SPATA13: variants seen among roughly 807,000 people sequenced by gnomAD.
SPATA13 encodes spermatogenesis-associated protein 13.
Under a neutral mutation model 104.0 loss-of-function variants are expected in SPATA13, and 50 were observed. That is an observed-to-expected ratio of 0.48 (90% CI 0.38 to 0.61). The LOEUF is 0.61. SPATA13 is among the 20% of genes least tolerant of loss of function. The pLI is 0.00. For missense variants in SPATA13, 1,524 were observed against 1,690.6 expected (o/e 0.90, Z 1.73); for synonymous variants, 606 against 667.5 (o/e 0.91, Z 1.42).
intron 4 of SPATA13, among the ~76,000 whole-genome samples, chr13:24,277,178 C>T (rs550768755): frequency 7.2e-4 from 109 of 152,156 alleles, no homozygotes; most frequent in African/African-American, 2.6e-3. Flanking sequence ...GGCGCGGTGG[C>T]TTACGCCTGT....
At chr13:24,252,593 T>G (rs1340491006) in intron 4 of SPATA13, among the ~76,000 whole-genome samples, 1 of 152,138 alleles carries the variant, frequency 6.6e-6, no homozygotes, top group African/African-American at 2.4e-5. Flanking sequence ...GTTAGGGTGG[T>G]AGGAATGTAG....
At chr13:23,986,110 G>T (rs1032113877) in intron 2 of SPATA13, among the ~76,000 whole-genome samples, 1 of 152,164 alleles carries the variant, frequency 6.6e-6, no homozygotes, top group African/African-American at 2.4e-5. Flanking sequence ...ATGCAGTTCT[G>T]GTGTGTTAGG....
intron 1 of SPATA13, among the ~76,000 whole-genome samples, chr13:24,213,956 A>G (rs1871158553): frequency 6.6e-6 from 1 of 152,254 alleles, no homozygotes; most frequent in South Asian, 2.1e-4. Flanking sequence ...ATCCATACTC[A>G]TGGAGAAAAG....
At chr13:24,215,185 C>T (rs1304160317) in intron 1 of SPATA13, among the ~76,000 whole-genome samples, 5 of 152,162 alleles carry the variant, frequency 3.3e-5, no homozygotes. Context: ...TGGCTTGGTT[C>T]ATTGGTGGCA....
intron 1 of SPATA13, among the ~76,000 whole-genome samples, chr13:24,169,062 C>T (rs1030279324): frequency 4.6e-5 from 7 of 152,180 alleles, no homozygotes; most frequent in African/African-American, 1.2e-4. Context: ...CTGCTAGGCT[C>T]GGCTTACTAA....
chr13:24,271,021 ACTCTCT>A (rs35776484), intron 4 of SPATA13: 6 of 607,348 alleles, frequency 9.9e-6, no homozygotes, highest in African/African-American at 7.1e-5. Flanking sequence ...ACTCTCTCTC[ACTCTCT>A]CTCTCTCTCT....
At chr13:24,202,070 CTAAATAAATAAATAAATAAA>C (rs67125164) in intron 1 of SPATA13, among the ~76,000 whole-genome samples, 2 of 151,198 alleles carry the variant, frequency 1.3e-5, no homozygotes, top group Non-Finnish European at 2.9e-5. Flanking sequence ...AAGACTCTGT[CTAAATAAATAAATAAATAAA>C]TAAATAAATA....
chr13:24,023,846 G>T (rs4769307), intron 3 of SPATA13, among the ~76,000 whole-genome samples: 1 of 151,982 alleles, frequency 6.6e-6, no homozygotes, highest in African/African-American at 2.4e-5. Flanking sequence ...CGAGACCCCT[G>T]TTGAACTTCC....
At position 24,294,758 on chromosome 13, in the gene SPATA13, G is replaced by A; in HGVS notation, c.3100G>A (p.Ala1034Thr). 1.3e-6 allele frequency: 2 copies of A among 1,597,596 alleles called. No individual in the cohort carries two copies. Among genetic ancestry groups the A allele is most frequent in the Non-Finnish European group, 1.7e-6 (2 of 1,166,178 alleles). ...TTGCAGTGATTACAGCAACATAAAG[G>A]CAGCATATGAGGCCATGAAGAATGT... ...QEHGDYSNIKAAYEAMKNVAC... is the reference protein window; with the variant it reads ...QEHGDYSNIKTAYEAMKNVAC... Residue 1034 changes from alanine (A) to threonine (T), a missense_variant, in exon 10 of 13, where the codon GCA becomes ACA. Physicochemically the swap from Ala to Thr is moderately conservative, Grantham distance 58. Around this residue, in one of 2 missense-constraint regions of SPATA13, gnomAD observed 435 missense variants for 554.8 expected, o/e 0.78. Transcript: ENST00000382108.
intron 1 of SPATA13, among the ~76,000 whole-genome samples, chr13:24,189,913 A>AT (rs1869489718): frequency 1.1e-5 from 1 of 92,382 alleles, no homozygotes; most frequent in Non-Finnish European, 1.9e-5. Context: ...TATATTACAT[A>AT]ATATATATTA....
upstream of SPATA13, among the ~76,000 whole-genome samples, chr13:24,156,648 A>G (rs1882263470): frequency 6.6e-6 from 1 of 152,244 alleles, no homozygotes; most frequent in Non-Finnish European, 1.5e-5. Context: ...GTAGAATAAA[A>G]TATAGCAAAC....
upstream of SPATA13, among the ~76,000 whole-genome samples, chr13:24,159,267 A>G (rs992485024): frequency 2.6e-5 from 4 of 152,152 alleles, no homozygotes; most frequent in Admixed American, 6.6e-5. Context: ...AAATTTTCCA[A>G]GGTTTGGTTT....
chr13:24,033,313 T>C (rs910850824), intron 3 of SPATA13, among the ~76,000 whole-genome samples: 1 of 152,242 alleles, frequency 6.6e-6, no homozygotes, highest in African/African-American at 2.4e-5. Context: ...GAGGCAGGCA[T>C]GGAGAGGCTC....
At chr13:24,271,066 CTCTT>C (rs1328645001) in intron 4 of SPATA13, among the ~76,000 whole-genome samples, 3 of 151,540 alleles carry the variant, frequency 2.0e-5, no homozygotes, top group Non-Finnish European at 2.9e-5. Context: ...CTCACTCTCT[CTCTT>C]TCTCTGCTGC....
In SPATA13 at chr13:24,051,634, G is replaced by A. The variant is rs1878344117; in HGVS notation, c.-112+33933G>A. On this transcript the variant is annotated intron_variant, in intron 3 of 14. Transcript: ENST00000424834. The surrounding 1 kb of genome is among the most constrained non-coding windows in gnomAD (Gnocchi z 4.2). Reference sequence around the variant, plus strand: ...CCAGCGGAGACAATGCTCCCTGTTTGGGGATGGAGGGGTGGGGACTTAGGG... The same window carrying A: ...CCAGCGGAGACAATGCTCCCTGTTTAGGGATGGAGGGGTGGGGACTTAGGG... 6.6e-6 allele frequency among the ~76,000 whole-genome samples: 1 copy of A among 152,136 alleles called. No homozygotes were observed. Among genetic ancestry groups the A allele is most frequent in the Non-Finnish European group, 1.5e-5 (1 of 68,028 alleles).
At chr13:24,204,824 C>A (rs1170823068) in intron 1 of SPATA13, among the ~76,000 whole-genome samples, 1 of 152,120 alleles carries the variant, frequency 6.6e-6, no homozygotes, top group Non-Finnish European at 1.5e-5. Context: ...TATGTATATA[C>A]CACATTTTCC....
At chr13:24,038,870 A>C (rs1203107704) in intron 3 of SPATA13, among the ~76,000 whole-genome samples, 1 of 152,120 alleles carries the variant, frequency 6.6e-6, no homozygotes, top group East Asian at 1.9e-4. Context: ...TTTGCATTCC[A>C]CCAATCATAG....
At chr13:24,123,764 A>G (rs960879659) in intron 3 of SPATA13, 3 of 1,341,680 alleles carry the variant, frequency 2.2e-6, no homozygotes, top group African/African-American at 2.9e-5. Context: ...TGCCTTGTAT[A>G]TGGGGCTTTG....
At chr13:24,102,293 T>C (rs572892717) in intron 3 of SPATA13, among the ~76,000 whole-genome samples, 46 of 152,344 alleles carry the variant, frequency 3.0e-4, no homozygotes, top group Admixed American at 2.6e-3. Flanking sequence ...GAGAAATGCC[T>C]ATCCAAGTCC....
Sources: allele counts gnomAD v4.1 joint callset (sites outside exome capture counted in the v4.1 genomes callset), GRCh38; gene constraint gnomAD v4.1.1; regional missense constraint gnomAD v4.1.1; non-coding constraint Gnocchi (gnomAD v3.1); transcripts MANE v1.5; gene names NCBI Gene and HGNC (gene_info 2026-07-23, HGNC 2026-07-21).